The following UNC13C variants were observed in gnomAD, a reference collection of about 807,000 sequenced individuals.
The protein encoded by UNC13C is protein unc-13 homolog C.
UNC13C carries 174 observed loss-of-function variants against 245.4 expected under a neutral mutation model. That is an observed-to-expected ratio of 0.71 (90% CI 0.63 to 0.80). The LOEUF is 0.80. Ranked by LOEUF, UNC13C falls within the 30% of genes least tolerant of loss-of-function variation. UNC13C has a pLI of 0.00. For synonymous variants in UNC13C, 992 were observed against 895.1 expected (o/e 1.11, Z -1.93); for missense variants, 2,829 against 2,602.9 (o/e 1.09, Z -1.89).
At chr15:53,989,766 A>G (rs1179442605) in intron 1 of UNC13C, among the ~76,000 whole-genome samples, 1 of 152,028 alleles carries the variant, frequency 6.6e-6, no homozygotes, top group Non-Finnish European at 1.5e-5. Flanking sequence ...ATACTAATGT[A>G]TAATTGCACT....
intron 22 of UNC13C, among the ~76,000 whole-genome samples, chr15:54,504,289 C>T (rs1177170757): frequency 1.3e-5 from 2 of 152,134 alleles, no homozygotes; most frequent in Non-Finnish European, 2.9e-5. Context: ...ATTTCTATTC[C>T]TTGTTCTCTG....
At chr15:54,065,330 C>T (rs565224531) in intron 2 of UNC13C, among the ~76,000 whole-genome samples, 166 of 152,260 alleles carry the variant, frequency 1.1e-3, no homozygotes, top group Non-Finnish European at 1.8e-3. Context: ...TTCCACTCTC[C>T]GATATGCTTT....
intron 19 of UNC13C, among the ~76,000 whole-genome samples, chr15:54,430,521 C>G (rs114027943): frequency 3.8e-4 from 57 of 151,602 alleles, no homozygotes; most frequent in African/African-American, 1.4e-3. Flanking sequence ...ATTGCTCAAA[C>G]TCATTAGCCT....
At chr15:54,011,500 T>A (rs570773018) in intron 1 of UNC13C, among the ~76,000 whole-genome samples, 1 of 152,348 alleles carries the variant, frequency 6.6e-6, no homozygotes, top group Admixed American at 6.5e-5. Context: ...TCTACCTGAT[T>A]GCAGCTTAAC....
the UNC13C span, among the ~76,000 whole-genome samples, chr15:53,909,783 G>A: frequency 1.4e-5 from 2 of 145,924 alleles, 1 homozygote; most frequent in Non-Finnish European, 3.1e-5. Flanking sequence ...TTCTTTCTTT[G>A]AACTATTGCG....
intron 2 of UNC13C, among the ~76,000 whole-genome samples, chr15:54,102,759 C>G (rs1900228989): frequency 6.6e-6 from 1 of 152,186 alleles, no homozygotes; most frequent in Non-Finnish European, 1.5e-5. Flanking sequence ...AGCCATATTT[C>G]CCTGATATGC....
At chr15:54,392,408 A>T (rs1045423946) in intron 17 of UNC13C, among the ~76,000 whole-genome samples, 4 of 151,980 alleles carry the variant, frequency 2.6e-5, no homozygotes, top group Non-Finnish European at 4.4e-5. Flanking sequence ...AAGACATTTT[A>T]AAAAAAGGAA....
At chr15:54,201,905 C>A (rs1294901614) in intron 4 of UNC13C, among the ~76,000 whole-genome samples, 4 of 151,752 alleles carry the variant, frequency 2.6e-5, no homozygotes, top group Middle Eastern at 3.2e-3. Flanking sequence ...GATTGTATAC[C>A]TAGAAAACCC....
intron 17 of UNC13C, among the ~76,000 whole-genome samples, chr15:54,345,512 AC>A (rs2038839579): frequency 6.6e-6 from 1 of 152,212 alleles, no homozygotes; most frequent in African/African-American, 2.4e-5. Context: ...CTGGAAGGAT[AC>A]ATATTGCAGA....
At chr15:54,587,565 T>C (rs1010054089) in intron 30 of UNC13C, among the ~76,000 whole-genome samples, 5 of 152,196 alleles carry the variant, frequency 3.3e-5, no homozygotes, top group African/African-American at 1.2e-4. Flanking sequence ...GGGACCAGCC[T>C]TCAGGACCTC....
rs79041131 is a variant in UNC13C at position 54,194,471 on chromosome 15, A to G, written c.3072-40559A>G. On this transcript the variant is annotated intron_variant, in intron 4 of 32. Transcript: ENST00000260323. ...TATTTTAGTCATAAAATATTTAAAT[A>G]TTAAAAGACAGTGTTAAATGAAGTT... Among the ~76,000 whole-genome samples the G allele has an allele frequency of 6.1e-3, 925 of 152,298 alleles. 55 individuals carry two copies. The East Asian group carries it at 0.11, about 18-fold the overall frequency.
At chr15:53,880,577 G>A in the UNC13C span, among the ~76,000 whole-genome samples, 23 of 152,192 alleles carry the variant, frequency 1.5e-4, no homozygotes, top group East Asian at 9.7e-4. Context: ...CAGCTCTCTC[G>A]GGACCAAATC....
At chr15:54,268,463 T>A (rs2036603515) in intron 10 of UNC13C, among the ~76,000 whole-genome samples, 1 of 152,160 alleles carries the variant, frequency 6.6e-6, no homozygotes, top group Admixed American at 6.5e-5. Context: ...ATTACATTTT[T>A]CTGCTACTTT....
In UNC13C at chr15:54,527,777, A is replaced by G. The variant is rs917023518; in HGVS notation, c.5546+2140A>G. Among the ~76,000 whole-genome samples, 7 of 152,172 alleles carry G rather than the reference A, an allele frequency of 4.6e-5. No homozygotes were observed. The South Asian group carries it at 1.0e-3, about 23-fold the overall frequency. ...AGGAAAGAATTTAGTACTCTGTTCA[A>G]TTAGGGTTTATTAGGACTATTGGAA... On this transcript the variant is annotated intron_variant, in intron 25 of 32. Coordinates refer to ENST00000260323, the MANE Select transcript of UNC13C (RefSeq NM_001080534.3).
chr15:54,460,683 A>G (rs1259690742), intron 19 of UNC13C, among the ~76,000 whole-genome samples: 1 of 152,212 alleles, frequency 6.6e-6, no homozygotes, highest in Non-Finnish European at 1.5e-5. Context: ...ACAGTTTTCC[A>G]GTTGTCTTGC....
intron 13 of UNC13C, among the ~76,000 whole-genome samples, chr15:54,309,853 A>C (rs901898437): frequency 6.6e-6 from 1 of 151,758 alleles, no homozygotes; most frequent in South Asian, 2.1e-4. Context: ...CCATTAATCT[A>C]TGTGTCTATT....
intron 1 of UNC13C, among the ~76,000 whole-genome samples, chr15:53,983,568 A>G (rs1894010424): frequency 6.6e-6 from 1 of 152,170 alleles, no homozygotes; most frequent in African/African-American, 2.4e-5. Context: ...CCACAGTATT[A>G]CTGGAGAGTG....
chr15:53,853,463 T>TA, the UNC13C span, among the ~76,000 whole-genome samples: 1 of 152,210 alleles, frequency 6.6e-6, no homozygotes, highest in Non-Finnish European at 1.5e-5. Flanking sequence ...GCAATGAACA[T>TA]ACGTATGCAT....
intron 17 of UNC13C, among the ~76,000 whole-genome samples, chr15:54,363,923 A>G (rs992353465): frequency 6.6e-6 from 1 of 152,210 alleles, no homozygotes; most frequent in African/African-American, 2.4e-5. Context: ...GGAACTAACA[A>G]GCAATTTTCA....
Sources: gnomAD v4.1 joint callset for allele counts (sites outside exome capture counted in the v4.1 genomes callset) on GRCh38, gnomAD v4.1.1 for gene constraint, MANE v1.5 for transcripts, NCBI Gene and HGNC (gene_info 2026-07-23, HGNC 2026-07-21) for gene names.